KIAA0586: variants seen among roughly 807,000 people sequenced by gnomAD.
KIAA0586 encodes KIAA0586, also known as protein TALPID3.
Under a neutral mutation model 169.8 loss-of-function variants are expected in KIAA0586, and 144 were observed. The observed-to-expected ratio is 0.85, with a 90% CI of 0.74 to 0.97. The LOEUF (loss-of-function observed/expected upper bound fraction) is 0.97. Ranked by LOEUF, KIAA0586 falls within the 50% of genes least tolerant of loss-of-function variation. The pLI, the probability that KIAA0586 is intolerant of heterozygous loss-of-function variation, is 0.00. For synonymous variants in KIAA0586, 625 were observed against 612.4 expected, an observed-to-expected ratio of 1.02 and a Z score of -0.30; for missense variants, 1,854 against 1,823.0, an observed-to-expected ratio of 1.02 and a Z score of -0.31.
rs1361379128 is a variant in KIAA0586 at position 58,451,605 on chromosome 14, T to C, written c.1129+859T>C. ...CATTTTTAGAGCATGCTTCCTCATA[T>C]TGTTTTTAGGTGTGAATTTCAATAA... On this transcript the variant is annotated intron_variant, in intron 8 of 30. Transcript: ENST00000652326. Among the ~76,000 whole-genome samples, 4 of 152,188 alleles carry C rather than the reference T, an allele frequency of 2.6e-5. No homozygotes were observed. The East Asian group carries it at 7.7e-4, about 29-fold the overall frequency.
At chr14:58,555,922 TTAGCATTTGAGC>T, downstream of KIAA0586, among the ~76,000 whole-genome samples, 1 of 151,596 alleles carries the variant, frequency 6.6e-6, no homozygotes, top group South Asian at 2.1e-4. Context: ...AGCTACTTGT[TTAGCATTTGAGC>T]TAGCAAAGGC....
At chr14:58,449,737 T>G (rs1014991516) in intron 7 of KIAA0586, among the ~76,000 whole-genome samples, 3 of 152,192 alleles carry the variant, frequency 2.0e-5, no homozygotes, top group Non-Finnish European at 4.4e-5. Flanking sequence ...CAGTGGACAC[T>G]TTTTTCATAA....
intron 4 of KIAA0586, among the ~76,000 whole-genome samples, chr14:58,435,508 A>G (rs1270596113): frequency 1.3e-5 from 2 of 152,108 alleles, no homozygotes; most frequent in African/African-American, 4.8e-5. Flanking sequence ...GTAACACATT[A>G]TTGTTAACTA....
intron 2 of KIAA0586, among the ~76,000 whole-genome samples, chr14:58,430,056 A>G (rs912970777): frequency 5.9e-5 from 9 of 152,172 alleles, no homozygotes; most frequent in African/African-American, 1.2e-4. Context: ...TAATAATTCA[A>G]TTGAGACTAT....
At chr14:58,494,523 G>C (rs1029529250) in intron 26 of KIAA0586, among the ~76,000 whole-genome samples, 5 of 151,740 alleles carry the variant, frequency 3.3e-5, no homozygotes, top group South Asian at 2.1e-4. Flanking sequence ...CTGAGAATTT[G>C]GGTAAGGATA....
At chr14:58,488,282 C>T (rs2042609172) in intron 23 of KIAA0586, among the ~76,000 whole-genome samples, 173 bp downstream of exon 23, 1 of 152,098 alleles carries the variant, frequency 6.6e-6, no homozygotes, top group Admixed American at 6.5e-5. Flanking sequence ...CAAATTATAC[C>T]TTCACCTTTT....
At chr14:58,463,827 A>AC in intron 14 of KIAA0586, 1 of 61,508 alleles carries the variant, frequency 1.6e-5, no homozygotes. Flanking sequence ...CCCTGTCTCT[A>AC]AAAAAAAAAA....
chr14:58,487,747 G>A (rs992338078), intron 22 of KIAA0586, 140 bp from the exon 23 acceptor site: 13 of 609,878 alleles, frequency 2.1e-5, no homozygotes, highest in African/African-American at 3.7e-5. Flanking sequence ...TACCACCATT[G>A]TCATTATTAT....
In KIAA0586 at chr14:58,506,839, C is replaced by T. The variant is rs554155737; in HGVS notation, c.4169-1716C>T. On this transcript the variant is annotated intron_variant, in intron 27 of 30. Transcript: ENST00000652326. Reference sequence around the variant, plus strand: ...GCCTTTAAATGGAAAATATCTATGGCGTCTTTGAAATATTTTTTCAGGCTG... The same window carrying T: ...GCCTTTAAATGGAAAATATCTATGGTGTCTTTGAAATATTTTTTCAGGCTG... Among the ~76,000 whole-genome samples the T allele has an allele frequency of 3.3e-5, 5 of 151,782 alleles. No homozygotes were observed. In the East Asian group the frequency reaches 9.8e-4, roughly 30 times the overall value.
chr14:58,465,738 T>A, intron 14 of KIAA0586, 97 bp from the exon 15 acceptor site: 1 of 746,312 alleles, frequency 1.3e-6, no homozygotes, highest in Non-Finnish European at 2.1e-6. Flanking sequence ...TATATAGAAT[T>A]AAGATTTTTC....
At chr14:58,501,206 TG>T (rs1035882762) in intron 27 of KIAA0586, among the ~76,000 whole-genome samples, 1 of 152,250 alleles carries the variant, frequency 6.6e-6, no homozygotes, top group Admixed American at 6.5e-5. Flanking sequence ...GTGAACACCT[TG>T]TATCATTCAG....
intron 19 of KIAA0586, among the ~76,000 whole-genome samples, chr14:58,476,626 C>T (rs1466110911): frequency 6.7e-6 from 1 of 150,156 alleles, no homozygotes; most frequent in Non-Finnish European, 1.5e-5. Context: ...CTATCTCCCA[C>T]AAGGAGATTC....
intron 28 of KIAA0586, among the ~76,000 whole-genome samples, chr14:58,510,141 C>A (rs1484538443): frequency 6.6e-6 from 1 of 152,186 alleles, no homozygotes; most frequent in Non-Finnish European, 1.5e-5. Flanking sequence ...GAGGCTGAGG[C>A]AGGTGGATCA....
intron 6 of KIAA0586, 143 bp downstream of exon 6, chr14:58,444,318 G>A: frequency 4.7e-6 from 3 of 639,364 alleles, no homozygotes; most frequent in Non-Finnish European, 8.4e-6. Context: ...TTCTTCTCCT[G>A]TAATGCGGGT....
chr14:58,486,780 G>A (rs2042475566), intron 21 of KIAA0586, among the ~76,000 whole-genome samples: 1 of 152,152 alleles, frequency 6.6e-6, no homozygotes, highest in Admixed American at 6.5e-5. Context: ...TTTAAAAGAG[G>A]GTGCCTTAGA....
intron 29 of KIAA0586, among the ~76,000 whole-genome samples, chr14:58,526,529 C>A (rs1595491694): frequency 6.6e-6 from 1 of 152,226 alleles, no homozygotes. Context: ...TAAAAGGACA[C>A]CCACGCAGAA....
intron 29 of KIAA0586, among the ~76,000 whole-genome samples, chr14:58,526,514 C>G (rs529454444): frequency 6.6e-6 from 1 of 152,214 alleles, no homozygotes; most frequent in African/African-American, 2.4e-5. Context: ...GCATCAACAT[C>G]AACATAAAAG....
intron 30 of KIAA0586, among the ~76,000 whole-genome samples, chr14:58,542,866 G>C (rs556824289): frequency 6.6e-6 from 1 of 152,232 alleles, no homozygotes; most frequent in East Asian, 1.9e-4. Context: ...AGTCAGCCGG[G>C]CGTGGTGGCT....
At chr14:58,435,223 A>G (rs973425057) in intron 4 of KIAA0586, among the ~76,000 whole-genome samples, 1 of 152,240 alleles carries the variant, frequency 6.6e-6, no homozygotes, top group Non-Finnish European at 1.5e-5. Flanking sequence ...TTGCGCCACT[A>G]CAATAATTCA....
Sources: gnomAD v4.1 joint callset for allele counts (sites outside exome capture counted in the v4.1 genomes callset) on GRCh38, gnomAD v4.1.1 for gene constraint, MANE v1.5 for transcripts, NCBI Gene and HGNC (gene_info 2026-07-23, HGNC 2026-07-21) for gene names.